Variants in ARHGEF10L observed in about 807,000 individuals in gnomAD.
The protein encoded by ARHGEF10L is rho guanine nucleotide exchange factor 10-like protein.
ARHGEF10L carries 69 observed loss-of-function variants against 141.2 expected under a neutral mutation model. That is an observed-to-expected ratio of 0.49 (90% CI 0.40 to 0.60). The LOEUF (loss-of-function observed/expected upper bound fraction) is 0.60. ARHGEF10L is among the 20% of genes least tolerant of loss of function. The pLI, the probability that ARHGEF10L is intolerant of heterozygous loss-of-function variation, is 0.00. For synonymous variants in ARHGEF10L, 711 were observed against 718.5 expected, an observed-to-expected ratio of 0.99 and a Z score of 0.17; for missense variants, 1,482 against 1,734.3, an observed-to-expected ratio of 0.85 and a Z score of 2.58.
chr1:17,546,263 G>A (rs2076911839), intron 1 of ARHGEF10L, among the ~76,000 whole-genome samples: 1 of 152,124 alleles, frequency 6.6e-6, no homozygotes. Flanking sequence ...TTAATATCAA[G>A]CACAAAACTT....
At position 17,603,409 on chromosome 1, in the gene ARHGEF10L, G is replaced by C. The variant is rs1357070269; in HGVS notation, c.350-99G>C. On this transcript the variant is annotated intron_variant, in intron 5 of 28. Transcript: ENST00000361221. The surrounding 1 kb of genome is among the most constrained non-coding windows in gnomAD (Gnocchi z 4.8). ...CTGGGCTATCAGAAAGGAGGGTGCT[G>C]CGTGCCACCAGCTGGTGCAGTCCTG... 1 of 878,078 alleles carries C rather than the reference G, an allele frequency of 1.1e-6. No individual in the cohort carries two copies. Among genetic ancestry groups the C allele is most frequent in the Non-Finnish European group, 1.7e-6 (1 of 575,536 alleles). 54.4% of individuals were successfully genotyped at this position (878,078 alleles called of 1,614,324 possible). A position where few individuals can be genotyped will look rare whatever the true frequency, so the allele number is the denominator to read the frequency against.
Position 17,623,187 on chromosome 1 carries a change from C to A in ARHGEF10L, c.1200+12C>A. 1 of 1,609,398 alleles carries A rather than the reference C, an allele frequency of 6.2e-7. No homozygotes were observed. Among genetic ancestry groups the A allele is most frequent in the Non-Finnish European group, 8.5e-7 (1 of 1,177,776 alleles). On this transcript the variant is annotated intron_variant, in intron 12 of 28. Transcript: ENST00000361221. The surrounding 1 kb of genome is among the most constrained non-coding windows in gnomAD (Gnocchi z 4.7). ...TCTTCGTGGCCTCGGTAAGTGTCCC[C>A]AAACTTTTTCCCCAGCCCACCAAGG...
rs745558479 is a variant in ARHGEF10L at position 17,587,462 on chromosome 1, G to C, written c.40G>C (p.Asp14His). 2 of 1,612,310 alleles carry C rather than the reference G, an allele frequency of 1.2e-6. No homozygotes were observed. Among genetic ancestry groups the C allele is most frequent in the Non-Finnish European group, 1.7e-6 (2 of 1,179,230 alleles). ...SNPPPQPAIG[D>H]QLVPGVPGPS... is the part of the protein sequence containing the mutation. ...GGCCAACTCCTTCTCTCTTCCAGGA[G>C]ATCAGCTGGTTCCAGGAGTCCCAGG... is the stretch of plus-strand genomic sequence containing the variant. The change falls in exon 3 of 29, where the codon GAT becomes CAT. Residue 14 changes from aspartate (D) to histidine (H), a missense_variant and splice_region_variant. Physicochemically the swap from Asp to His is moderately conservative, Grantham distance 81. Transcript: ENST00000361221.
chr1:17,576,952 A>G (rs1194602227), intron 1 of ARHGEF10L, among the ~76,000 whole-genome samples: 1 of 152,252 alleles, frequency 6.6e-6, no homozygotes, highest in East Asian at 1.9e-4. Context: ...CTGTAAAGCA[A>G]GAGCAACACT....
chr1:17,567,134 T>C (rs2077789489), intron 1 of ARHGEF10L, among the ~76,000 whole-genome samples: 1 of 152,200 alleles, frequency 6.6e-6, no homozygotes, highest in South Asian at 2.1e-4. Flanking sequence ...AGGCTCAGTG[T>C]TGGCAGGCAG....
the ARHGEF10L span, among the ~76,000 whole-genome samples, chr1:17,520,597 G>C: frequency 6.6e-6 from 1 of 152,228 alleles, no homozygotes; most frequent in East Asian, 1.9e-4. Flanking sequence ...CTCCCTCCCA[G>C]CAGGTGCTGG....
At chr1:17,678,538 G>A (rs1318624015) in intron 26 of ARHGEF10L, among the ~76,000 whole-genome samples, 2 of 151,176 alleles carry the variant, frequency 1.3e-5, no homozygotes, top group African/African-American at 4.9e-5. Flanking sequence ...TCCGGTCTCA[G>A]CCTCCCAAGT....
Position 17,613,127 on chromosome 1 carries a change from G to A in ARHGEF10L, c.679G>A (p.Val227Ile), listed in dbSNP as rs2059632502. 2.5e-6 allele frequency: 4 copies of A among 1,613,920 alleles called. No individual in the cohort carries two copies. Among genetic ancestry groups the A allele is most frequent in the Non-Finnish European group, 3.4e-6 (4 of 1,179,962 alleles). Residue 227 changes from valine to isoleucine, a missense_variant, in exon 8 of 29, where the codon GTT (valine) becomes ATT (isoleucine). By Grantham distance (29) the Val-to-Ile change is conservative. Around this residue, in one of 3 missense-constraint regions of ARHGEF10L, gnomAD observed 392 missense variants for 542.1 expected, o/e 0.72. Transcript: ENST00000361221. ...RTKRDILALR[V>I]GGRDMQELKH... ...TAAGAGAGACATCTTGGCTTTGAGA[G>A]TTGGGGGGAGAGACATGCAGGAGCT...
chr1:17,527,741 G>A, the ARHGEF10L span, among the ~76,000 whole-genome samples: 1 of 152,000 alleles, frequency 6.6e-6, no homozygotes, highest in Non-Finnish European at 1.5e-5. Context: ...TCCTTGCCAG[G>A]GGATTTTCCA....
chr1:17,537,380 G>A (rs997064313), upstream of ARHGEF10L, among the ~76,000 whole-genome samples: 8 of 152,170 alleles, frequency 5.3e-5, no homozygotes, highest in African/African-American at 1.4e-4. Flanking sequence ...AATCCATTAC[G>A]ATCCTCTAAA....
chr1:17,533,710 C>A, the ARHGEF10L span, among the ~76,000 whole-genome samples: 1 of 152,150 alleles, frequency 6.6e-6, no homozygotes, highest in Non-Finnish European at 1.5e-5. Flanking sequence ...CCTCAAAATG[C>A]CTGTCCTATT....
At chr1:17,602,319 AGGGTT>A in intron 5 of ARHGEF10L, 101 bp downstream of exon 5, 19 of 1,367,518 alleles carry the variant, frequency 1.4e-5, no homozygotes, top group Non-Finnish European at 1.8e-5. Flanking sequence ...CTGTGAGCCC[AGGGTT>A]CATCCTCACC....
At position 17,619,346 on chromosome 1, in the gene ARHGEF10L, G is replaced by A. The variant is rs75426511; in HGVS notation, c.843G>A (p.Ser281=). 2.5e-6 allele frequency: 4 copies of A among 1,612,890 alleles called. No homozygotes were observed. The highest frequency in any genetic ancestry group is 2.2e-5 in the East Asian group (1 of 44,824). Residue 281 remains serine (S), a synonymous_variant, in exon 10 of 29, where the codon TCG becomes TCA. Transcript: ENST00000361221. This position sits in a 1 kb window ranked among gnomAD's most constrained non-coding sequence, Gnocchi z 5.0. ...FLHRKDVLGD[S]EEEDMGLLEV... ...GCCCATCTGACTTTCCAGGTGACTC[G>A]GAGGAGGAGGACATGGGGCTCCTGG...
intron 26 of ARHGEF10L, among the ~76,000 whole-genome samples, chr1:17,675,911 C>T (rs2063654187): frequency 7.3e-6 from 1 of 137,344 alleles, no homozygotes; most frequent in Admixed American, 7.4e-5. Flanking sequence ...GGTTTGTGTG[C>T]AAGTGTGGGT....
chr1:17,626,140 C>A lies in ARHGEF10L; in HGVS notation c.1410+92C>A, dbSNP rs185742832. ...GGGTAGGAGGGAGGAGGTCTGGGCT[C>A]TTGTCCGTGATCCATAACCCACCCA... On this transcript the variant is annotated intron_variant, in intron 14 of 28. Transcript: ENST00000361221. 4.0e-5 allele frequency: 45 copies of A among 1,128,476 alleles called. No individual in the cohort carries two copies. The African/African-American group carries it at 5.7e-4, about 14-fold the overall frequency. The allele number at this position is 1,128,476 out of a possible 1,614,324, so 69.9% of individuals were successfully genotyped here.
chr1:17,680,807 G>A lies in ARHGEF10L; in HGVS notation c.3010-6766G>A, dbSNP rs1376011122. ...CATAACTTTTTTTTTTTTTGGAGAC[G>A]GAGTTTCACTCTGTTGCTCAGGCTG... On this transcript the variant is annotated intron_variant, in intron 26 of 28. Coordinates refer to ENST00000361221, the MANE Select transcript of ARHGEF10L (RefSeq NM_018125.4). Among the ~76,000 whole-genome samples, 11 of 143,828 alleles carry A rather than the reference G, an allele frequency of 7.6e-5. No individual in the cohort carries two copies. The East Asian group carries it at 1.6e-3, about 21-fold the overall frequency. 94.4% of individuals were successfully genotyped at this position (143,828 alleles called of 152,430 possible).
chr1:17,645,304 A>G (rs2061533790), intron 21 of ARHGEF10L, among the ~76,000 whole-genome samples: 1 of 152,252 alleles, frequency 6.6e-6, no homozygotes, highest in East Asian at 1.9e-4. Flanking sequence ...ATGGGGAGCA[A>G]CGACTCCATT....
At chr1:17,676,186 A>G in intron 26 of ARHGEF10L, among the ~76,000 whole-genome samples, 1 of 142,998 alleles carries the variant, frequency 7.0e-6, no homozygotes, top group South Asian at 2.3e-4. Context: ...GTGTGGGTAC[A>G]GGTGTAGGTG....
Position 17,648,654 on chromosome 1 carries a change from C to T in ARHGEF10L, c.2373C>T (p.Ser791=), listed in dbSNP as rs1327380451. Residue 791 remains serine, a synonymous_variant, in exon 22 of 29, where the codon TCC becomes TCT. Coordinates refer to ENST00000361221, the MANE Select transcript of ARHGEF10L (RefSeq NM_018125.4). ...TGGCCTGCTGCATCCCTGCCTTCTCCTCCCGGGCACTCAGCCTGCAGGTGA... is the reference window on the plus strand; with the variant it reads ...TGGCCTGCTGCATCCCTGCCTTCTCTTCCCGGGCACTCAGCCTGCAGGTGA... The part of the protein sequence containing the change: ...PILACCIPAF[S]SRALSLQLGA... The T allele has an allele frequency of 4.3e-6, 7 of 1,612,662 alleles. No individual in the cohort carries two copies. Among genetic ancestry groups the T allele is most frequent in the African/African-American group, 2.7e-5 (2 of 74,892 alleles).
Sources: allele counts gnomAD v4.1 joint callset (sites outside exome capture counted in the v4.1 genomes callset), GRCh38; gene constraint gnomAD v4.1.1; regional missense constraint gnomAD v4.1.1; non-coding constraint Gnocchi (gnomAD v3.1); transcripts MANE v1.5; gene names NCBI Gene and HGNC (gene_info 2026-07-23, HGNC 2026-07-21).